Variants in DLGAP2 observed in about 807,000 individuals in gnomAD.
DLGAP2 encodes DLG associated protein 2.
DLGAP2 carries 26 observed loss-of-function variants against 100.3 expected under a neutral mutation model. That is an observed-to-expected ratio of 0.26 (90% CI 0.19 to 0.36). The LOEUF (loss-of-function observed/expected upper bound fraction) is 0.36. DLGAP2 is among the 10% of genes least tolerant of loss of function. The pLI, the probability that DLGAP2 is intolerant of heterozygous loss-of-function variation, is 1.00. For missense variants in DLGAP2, 1,858 were observed against 1,453.2 expected, an observed-to-expected ratio of 1.28 and a Z score of -4.53; for synonymous variants, 886 against 630.1, an observed-to-expected ratio of 1.41 and a Z score of -6.08.
At chr8:1,447,819 G>A (rs140042720) in intron 3 of DLGAP2, among the ~76,000 whole-genome samples, 1 of 152,168 alleles carries the variant, frequency 6.6e-6, no homozygotes, top group African/African-American at 2.4e-5. Flanking sequence ...TCTTGGGACA[G>A]TGTATGTGTT....
chr8:844,938 A>C (rs1797046556), intron 1 of DLGAP2, among the ~76,000 whole-genome samples: 1 of 152,138 alleles, frequency 6.6e-6, no homozygotes, highest in Non-Finnish European at 1.5e-5. Context: ...CAATATATGG[A>C]CTTCTGTGAC....
Position 924,972 on chromosome 8 carries a change from T to C in DLGAP2, c.73+17006T>C, listed in dbSNP as rs189146095. On this transcript the variant is annotated intron_variant, in intron 2 of 14. Coordinates refer to ENST00000637795, the MANE Select transcript of DLGAP2 (RefSeq NM_001346810.2). ...ATAATTATGTTGATAATGGTGAAAG[T>C]GTAGGCACGTGTGGGTGATTGCTTG... Among the ~76,000 whole-genome samples the C allele has an allele frequency of 2.0e-5, 3 of 152,318 alleles. No homozygotes were observed. The East Asian group carries it at 5.8e-4, about 29-fold the overall frequency.
At chr8:1,276,405 C>T (rs976238635) in intron 3 of DLGAP2, among the ~76,000 whole-genome samples, 2 of 152,030 alleles carry the variant, frequency 1.3e-5, no homozygotes, top group Non-Finnish European at 1.5e-5. Context: ...CTTGGCCGCA[C>T]GTTGGGAAAC....
At chr8:1,480,221 A>G (rs1459378675) in intron 3 of DLGAP2, among the ~76,000 whole-genome samples, 1 of 151,906 alleles carries the variant, frequency 6.6e-6, no homozygotes, top group Admixed American at 6.6e-5. Flanking sequence ...GTGGGGCTAG[A>G]TGTAGGTTTT....
intron 1 of DLGAP2, among the ~76,000 whole-genome samples, chr8:845,226 T>C (rs1028287725): frequency 3.9e-5 from 6 of 152,344 alleles, no homozygotes; most frequent in Middle Eastern, 6.8e-3. Flanking sequence ...TCAGACTGTT[T>C]TCCAAAGTTG....
chr8:833,912 A>C (rs987461359), intron 1 of DLGAP2, among the ~76,000 whole-genome samples: 1 of 152,198 alleles, frequency 6.6e-6, no homozygotes, highest in African/African-American at 2.4e-5. Flanking sequence ...AAAGTGGTAA[A>C]AAAGAAAAAA....
At chr8:1,080,831 G>C (rs116946539) in intron 2 of DLGAP2, among the ~76,000 whole-genome samples, 1 of 152,182 alleles carries the variant, frequency 6.6e-6, no homozygotes, top group African/African-American at 2.4e-5. Flanking sequence ...GCTCTGAGGA[G>C]TTGTCCAGGC....
chr8:1,271,414 G>A (rs1043182014), intron 3 of DLGAP2, among the ~76,000 whole-genome samples: 4 of 152,166 alleles, frequency 2.6e-5, no homozygotes, highest in Non-Finnish European at 5.9e-5. Context: ...TTATTCTGGA[G>A]ACTTGACTTT....
intron 3 of DLGAP2, chr8:1,259,881 C>G (rs1346843447): frequency 2.6e-5 from 4 of 152,198 alleles, no homozygotes; most frequent in African/African-American, 7.2e-5. Context: ...GGAAGTATGA[C>G]AAGGTTTTAA....
intron 4 of DLGAP2, among the ~76,000 whole-genome samples, chr8:1,529,758 T>C (rs915531851): frequency 6.6e-6 from 1 of 152,244 alleles, no homozygotes; most frequent in Non-Finnish European, 1.5e-5. Context: ...TTCTTTTCTA[T>C]TTTCCTTAAG....
intron 2 of DLGAP2, among the ~76,000 whole-genome samples, chr8:1,225,521 G>A (rs561710567): frequency 2.6e-5 from 4 of 152,294 alleles, no homozygotes; most frequent in East Asian, 1.9e-4. Context: ...TGAACAACAC[G>A]TGAATGTATT....
intron 9 of DLGAP2, among the ~76,000 whole-genome samples, chr8:1,669,518 C>T (rs937083510): frequency 3.9e-5 from 6 of 152,242 alleles, no homozygotes; most frequent in African/African-American, 7.2e-5. Context: ...CCACCTCCTG[C>T]TTCCTTTTAC....
intron 2 of DLGAP2, among the ~76,000 whole-genome samples, chr8:1,214,077 C>G (rs1179299502): frequency 6.6e-6 from 1 of 152,210 alleles, no homozygotes; most frequent in Non-Finnish European, 1.5e-5. Flanking sequence ...TTGCCAGGCT[C>G]CTCCCAGGCC....
At chr8:1,687,298 G>GTGTT (rs1799141881) in intron 12 of DLGAP2, among the ~76,000 whole-genome samples, 1 of 152,222 alleles carries the variant, frequency 6.6e-6, no homozygotes, top group South Asian at 2.1e-4. Context: ...AGAGCCAAGT[G>GTGTT]TGTTAATCAA....
chr8:916,381 C>A (rs12544856), intron 2 of DLGAP2, among the ~76,000 whole-genome samples: 8,196 of 152,132 alleles, frequency 0.054, 282 homozygotes, highest in East Asian at 0.13. Flanking sequence ...TTTTTAGGGA[C>A]GTGGATGAAG....
intron 3 of DLGAP2, among the ~76,000 whole-genome samples, chr8:1,427,778 G>C (rs944763364): frequency 1.3e-5 from 2 of 152,152 alleles, no homozygotes; most frequent in Non-Finnish European, 2.9e-5. Flanking sequence ...GGCCTCCCCA[G>C]CTACATGGAA....
At chr8:1,571,196 A>G (rs1311741012) in intron 6 of DLGAP2, among the ~76,000 whole-genome samples, 2 of 95,992 alleles carry the variant, frequency 2.1e-5, no homozygotes, top group Non-Finnish European at 4.0e-5. Context: ...GCATCTGATG[A>G]GATGGAGAGG....
chr8:972,949 T>G (rs1210929692), intron 2 of DLGAP2, among the ~76,000 whole-genome samples: 14 of 152,212 alleles, frequency 9.2e-5, no homozygotes, highest in Admixed American at 9.2e-4. Context: ...AGGTCATAGA[T>G]AACAGCATTC....
intron 3 of DLGAP2, among the ~76,000 whole-genome samples, chr8:1,280,751 A>G (rs540736666): frequency 1.3e-5 from 2 of 152,326 alleles, no homozygotes; most frequent in South Asian, 4.1e-4. Flanking sequence ...AGAGGCTGGA[A>G]GGGCAGTTGG....
Sources: allele counts gnomAD v4.1 joint callset (sites outside exome capture counted in the v4.1 genomes callset), GRCh38; gene constraint gnomAD v4.1.1; transcripts MANE v1.5; gene names NCBI Gene and HGNC (gene_info 2026-07-23, HGNC 2026-07-21).